The following GCLC variants were observed in gnomAD, a reference collection of about 807,000 sequenced individuals.
GCLC encodes glutamate-cysteine ligase catalytic subunit, also known as glutamate--cysteine ligase catalytic subunit.
GCLC carries 30 observed loss-of-function variants against 81.5 expected under a neutral mutation model. That is an observed-to-expected ratio of 0.37 (90% confidence interval 0.28 to 0.50). The LOEUF is 0.50. Ranked by LOEUF, GCLC falls within the 20% of genes least tolerant of loss-of-function variation. The pLI is 0.96. For synonymous variants in GCLC, 262 were observed against 273.3 expected (o/e 0.96, Z 0.41); for missense variants, 556 against 777.4 (o/e 0.72, Z 3.39).
intron 2 of GCLC, among the ~76,000 whole-genome samples, 174 bp from the exon 3 acceptor site, chr6:53,521,134 G>A (rs1413517705): frequency 6.6e-6 from 1 of 152,092 alleles, no homozygotes; most frequent in African/African-American, 2.4e-5. Flanking sequence ...ACTACATAAG[G>A]GTCAACAAGT....
chr6:53,523,577 G>A (rs1224668852), intron 1 of GCLC, among the ~76,000 whole-genome samples: 3 of 152,158 alleles, frequency 2.0e-5, no homozygotes, highest in Admixed American at 2.0e-4. Context: ...GTAAATCTAG[G>A]TTCTCAGTCT....
intron 1 of GCLC, among the ~76,000 whole-genome samples, chr6:53,529,655 T>C (rs186776434): frequency 6.6e-6 from 1 of 152,372 alleles, no homozygotes; most frequent in Non-Finnish European, 1.5e-5. Flanking sequence ...AGGTTCTGAG[T>C]TCTAAAGACA....
intron 1 of GCLC, among the ~76,000 whole-genome samples, chr6:53,530,037 C>G (rs1049675721): frequency 1.3e-5 from 2 of 152,200 alleles, no homozygotes; most frequent in African/African-American, 4.8e-5. Flanking sequence ...ATGAGAAATT[C>G]AGGATTTTAG....
intron 6 of GCLC, chr6:53,509,711 C>T (rs919602311): frequency 5.8e-5 from 11 of 190,460 alleles, no homozygotes; most frequent in African/African-American, 1.4e-4. Flanking sequence ...TGCAGTGGCG[C>T]GCTCTCGGCT....
At position 53,520,765 on chromosome 6, in the gene GCLC, T is replaced by C. The variant is rs531969141; in HGVS notation, c.446+13A>G. The C allele has an allele frequency of 6.2e-6, 10 of 1,608,868 alleles. No homozygotes were observed. The South Asian group carries it at 8.8e-5, about 14-fold the overall frequency. ...TGAGAGATCTGCTGGGGCATGTTAATATAGGAACTAACCTGGGAAATGAAG... is the reference window on the plus strand; with the variant it reads ...TGAGAGATCTGCTGGGGCATGTTAACATAGGAACTAACCTGGGAAATGAAG... On this transcript the variant is annotated intron_variant, in intron 3 of 15. Transcript: ENST00000650454.
intron 6 of GCLC, chr6:53,513,641 C>T (rs1351710558): frequency 6.4e-6 from 1 of 156,516 alleles, no homozygotes; most frequent in Non-Finnish European, 1.4e-5. Context: ...CACTCACTGC[C>T]AGGGGCACCA....
intron 12 of GCLC, among the ~76,000 whole-genome samples, chr6:53,503,641 AC>A (rs1764556258): frequency 6.6e-6 from 1 of 152,038 alleles, no homozygotes; most frequent in Non-Finnish European, 1.5e-5. Flanking sequence ...TCCTGTCCGG[AC>A]AGTTAATTTT....
At chr6:53,516,279 G>T in intron 3 of GCLC, 57 bp from the exon 4 acceptor site, 1 of 1,145,864 alleles carries the variant, frequency 8.7e-7, no homozygotes, top group Non-Finnish European at 1.3e-6. Context: ...TTAATTGTGT[G>T]CAGTCTTGCC....
Position 53,525,803 on chromosome 6 carries a change from C to T in GCLC, c.151-3276G>A, listed in dbSNP as rs549508897. Among the ~76,000 whole-genome samples, 18 of 152,276 alleles carry T rather than the reference C, an allele frequency of 1.2e-4. No homozygotes were observed. The East Asian group carries it at 3.1e-3, about 26-fold the overall frequency. Reference sequence around the variant, plus strand: ...AAAAAAATACCCACCGACCTCTATTCTCTGCAATACACAGGTCACAATGCC... The same window carrying T: ...AAAAAAATACCCACCGACCTCTATTTTCTGCAATACACAGGTCACAATGCC... On this transcript the variant is annotated intron_variant, in intron 1 of 15. Transcript: ENST00000650454.
intron 9 of GCLC, 93 bp from the exon 10 acceptor site, chr6:53,507,118 GAAGA>G (rs1764631054): frequency 1.3e-6 from 1 of 773,398 alleles, no homozygotes. Flanking sequence ...CAGGAAGTTT[GAAGA>G]AAGGGTGTCT....
chr6:53,499,933 G>A, intron 15 of GCLC, 112 bp downstream of exon 15: 1 of 782,942 alleles, frequency 1.3e-6, no homozygotes, highest in Admixed American at 2.1e-5. Context: ...ATAAAAATGT[G>A]AAACTGTGCA....
intron 12 of GCLC, among the ~76,000 whole-genome samples, chr6:53,504,814 G>T (rs1442182014): frequency 6.6e-6 from 1 of 152,066 alleles, no homozygotes; most frequent in Admixed American, 6.6e-5. Flanking sequence ...CCTGCGGCAG[G>T]GCCCTCTCTA....
At chr6:53,519,918 T>C (rs1175961825) in intron 3 of GCLC, among the ~76,000 whole-genome samples, 2 of 151,884 alleles carry the variant, frequency 1.3e-5, no homozygotes, top group South Asian at 2.1e-4. Context: ...CTGAGGCCAA[T>C]GATATGACCC....
At chr6:53,511,201 T>TG (rs34779369) in intron 6 of GCLC, among the ~76,000 whole-genome samples, 3,812 of 107,824 alleles carry the variant, frequency 0.035, 122 homozygotes, top group African/African-American at 0.086. Flanking sequence ...AAAAAAAAAG[T>TG]GGGGGGGGGG....
rs374933049 is a variant in GCLC, at chr6:53,533,478, C to T, written c.151-10951G>A. ...CACACAGCAATACTACTAACTCCCA[C>T]ATCAAATTTCTAGGAAATTAATTAA... is the stretch of plus-strand genomic sequence containing the variant. On this transcript the variant is annotated intron_variant, in intron 1 of 15. Transcript: ENST00000650454. Among the ~76,000 whole-genome samples, 53 of 152,288 alleles carry T rather than the reference C, an allele frequency of 3.5e-4. 2 individuals carry two copies. Among genetic ancestry groups the T allele is most frequent in the African/African-American group, 1.2e-3 (49 of 41,548 alleles).
chr6:53,537,587 G>A (rs568572302), intron 1 of GCLC, among the ~76,000 whole-genome samples: 5 of 151,538 alleles, frequency 3.3e-5, no homozygotes, highest in African/African-American at 1.2e-4. Flanking sequence ...TCTAGCCTGG[G>A]TGACAGAGCA....
rs1179900767 is a variant in GCLC at position 53,497,395 on chromosome 6, A to G, written c.*1361T>C. ...TATTTCCTCATACCACAAACATTTC[A>G]ATTTATCTGCCTTTTTACAACCTGA... On this transcript the variant is annotated 3_prime_UTR_variant, in exon 16 of 16. Coordinates refer to ENST00000650454, the MANE Select transcript of GCLC (RefSeq NM_001498.4). 1 of 152,224 alleles carries G rather than the reference A, an allele frequency of 6.6e-6. No individual in the cohort carries two copies. 9.4% of individuals were successfully genotyped at this position (152,224 alleles called of 1,614,324 possible). A position where few individuals can be genotyped will look rare whatever the true frequency, so the allele number is the denominator to read the frequency against.
At chr6:53,532,856 G>T (rs1405572659) in intron 1 of GCLC, among the ~76,000 whole-genome samples, 1 of 152,108 alleles carries the variant, frequency 6.6e-6, no homozygotes, top group African/African-American at 2.4e-5. Flanking sequence ...TCGTAGTATT[G>T]TGTGGAAATA....
chr6:53,519,505 T>A (rs1245475998), intron 3 of GCLC, among the ~76,000 whole-genome samples: 1 of 151,196 alleles, frequency 6.6e-6, no homozygotes, highest in East Asian at 2.0e-4. Context: ...AGCCCCACTT[T>A]GACGCTTATG....
Sources: gnomAD v4.1 joint callset for allele counts (sites outside exome capture counted in the v4.1 genomes callset) on GRCh38, gnomAD v4.1.1 for gene constraint, MANE v1.5 for transcripts, NCBI Gene and HGNC (gene_info 2026-07-23, HGNC 2026-07-21) for gene names.